ERGIC1: variants seen among roughly 807,000 people sequenced by gnomAD.
ERGIC1 encodes endoplasmic reticulum-Golgi intermediate compartment protein 1.
Under a neutral mutation model 38.3 loss-of-function variants are expected in ERGIC1, and 19 were observed. That is an observed-to-expected ratio of 0.50 (90% CI 0.35 to 0.73). The LOEUF (loss-of-function observed/expected upper bound fraction) is 0.73. Among genes scored for constraint, ERGIC1 ranks in the 30% least tolerant of loss-of-function variants. The probability of loss-of-function intolerance (pLI) is 0.01; values close to 1 mark genes in which losing one functional copy is unlikely to be tolerated. For synonymous variants in ERGIC1, 124 were observed against 157.6 expected (o/e 0.79, Z 1.60); for missense variants, 294 against 389.2 (o/e 0.76, Z 2.06).
chr5:172,909,784 C>G, intron 4 of ERGIC1, 23 bp downstream of exon 4: 1 of 1,604,596 alleles, frequency 6.2e-7, no homozygotes, highest in Non-Finnish European at 8.5e-7. Context: ...CGCAGCCCCT[C>G]CCTCCAGCAG....
At chr5:172,905,481 G>A (rs1172041495) in intron 3 of ERGIC1, 2 of 463,898 alleles carry the variant, frequency 4.3e-6, no homozygotes, top group East Asian at 7.0e-5. Context: ...TGCGGTGAGT[G>A]TTACAGCTCT....
intron 1 of ERGIC1, among the ~76,000 whole-genome samples, chr5:172,886,076 T>C (rs1762410468): frequency 6.6e-6 from 1 of 151,312 alleles, no homozygotes; most frequent in African/African-American, 2.4e-5. Context: ...CACCCCTACC[T>C]CCCAAATTTG....
chr5:172,859,949 C>T (rs1446692525), intron 1 of ERGIC1, among the ~76,000 whole-genome samples: 1 of 152,222 alleles, frequency 6.6e-6, no homozygotes, highest in Non-Finnish European at 1.5e-5. Context: ...TGTGCTTTGC[C>T]TACAGGCCTT....
At chr5:172,861,580 A>G (rs1227869852) in intron 1 of ERGIC1, among the ~76,000 whole-genome samples, 1 of 152,200 alleles carries the variant, frequency 6.6e-6, no homozygotes, top group Non-Finnish European at 1.5e-5. Context: ...CATCACACTG[A>G]TCTACTAACG....
intron 7 of ERGIC1, among the ~76,000 whole-genome samples, chr5:172,930,060 C>T (rs181124715): frequency 3.3e-5 from 5 of 151,834 alleles, no homozygotes; most frequent in East Asian, 2.0e-4. Flanking sequence ...TGGTGGCAGG[C>T]GCCTGTAGTC....
At chr5:172,876,830 C>G (rs1762148695) in intron 1 of ERGIC1, among the ~76,000 whole-genome samples, 1 of 152,092 alleles carries the variant, frequency 6.6e-6, no homozygotes, top group South Asian at 2.1e-4. Context: ...CATATGGACC[C>G]TAGTTTGCCT....
intron 8 of ERGIC1, chr5:172,933,580 C>G (rs1363405970): frequency 6.6e-6 from 1 of 152,200 alleles, no homozygotes; most frequent in Non-Finnish European, 1.5e-5. Flanking sequence ...TGCCCACCTG[C>G]GAGCTGCTCT....
intron 1 of ERGIC1, among the ~76,000 whole-genome samples, chr5:172,845,031 C>T (rs904619367): frequency 6.5e-5 from 6 of 93,008 alleles, no homozygotes; most frequent in Non-Finnish European, 1.9e-4. Context: ...TTGAGGAGGA[C>T]GCAGGGGTAT....
At chr5:172,872,890 G>A (rs1762051491) in intron 1 of ERGIC1, among the ~76,000 whole-genome samples, 1 of 152,316 alleles carries the variant, frequency 6.6e-6, no homozygotes, top group East Asian at 1.9e-4. Context: ...GAATCAATTG[G>A]GCAGGTGGAG....
intron 1 of ERGIC1, among the ~76,000 whole-genome samples, chr5:172,838,382 A>G (rs1761083218): frequency 1.3e-5 from 2 of 152,156 alleles, no homozygotes; most frequent in South Asian, 4.1e-4. Context: ...TGCACAGGTC[A>G]TGCGGCCCTG....
intron 8 of ERGIC1, chr5:172,934,364 C>T (rs994168631): frequency 6.6e-6 from 1 of 152,366 alleles, no homozygotes; most frequent in Non-Finnish European, 1.5e-5. Flanking sequence ...AAGCCAAGTC[C>T]CTGAGGGAGG....
At chr5:172,881,908 T>C (rs1375733680) in intron 1 of ERGIC1, among the ~76,000 whole-genome samples, 1 of 152,182 alleles carries the variant, frequency 6.6e-6, no homozygotes, top group African/African-American at 2.4e-5. Flanking sequence ...CTTCACCCTT[T>C]CCTCCACATT....
At chr5:172,896,305 T>A (rs1016968949) in intron 2 of ERGIC1, among the ~76,000 whole-genome samples, 2 of 152,232 alleles carry the variant, frequency 1.3e-5, no homozygotes, top group African/African-American at 4.8e-5. Flanking sequence ...ATTGCGCCAC[T>A]GCACTCCAGC....
intron 1 of ERGIC1, among the ~76,000 whole-genome samples, chr5:172,873,239 G>T (rs902576507): frequency 2.6e-5 from 4 of 152,236 alleles, no homozygotes; most frequent in Admixed American, 1.3e-4. Flanking sequence ...GTGGGGCCAG[G>T]AGGCCGTGTC....
intron 2 of ERGIC1, among the ~76,000 whole-genome samples, chr5:172,893,933 G>T (rs867482341): frequency 2.0e-5 from 1 of 51,000 alleles, no homozygotes; most frequent in Non-Finnish European, 3.6e-5. Context: ...GTGTGTGTGT[G>T]TGTATATATA....
chr5:172,895,963 C>G (rs953665775), intron 2 of ERGIC1, among the ~76,000 whole-genome samples: 6 of 152,144 alleles, frequency 3.9e-5, no homozygotes, highest in East Asian at 1.9e-4. Flanking sequence ...GTCCACAAAC[C>G]CCAGTGTCTT....
intron 1 of ERGIC1, among the ~76,000 whole-genome samples, chr5:172,875,367 T>C (rs1462685120): frequency 6.6e-6 from 1 of 152,146 alleles, no homozygotes; most frequent in Non-Finnish European, 1.5e-5. Context: ...CCAGATGTTA[T>C]GTCTGCACCC....
intron 1 of ERGIC1, among the ~76,000 whole-genome samples, chr5:172,887,964 C>T (rs939830777): frequency 6.6e-5 from 10 of 152,188 alleles, no homozygotes; most frequent in South Asian, 4.1e-4. Context: ...AATGCAGCAT[C>T]GTCACATAAC....
chr5:172,845,619 A>T (rs1206916317), intron 1 of ERGIC1, among the ~76,000 whole-genome samples: 1 of 152,194 alleles, frequency 6.6e-6, no homozygotes, highest in African/African-American at 2.4e-5. Context: ...TTCATGTTTT[A>T]ATTCTGGTAT....
Sources: allele counts gnomAD v4.1 joint callset (sites outside exome capture counted in the v4.1 genomes callset), GRCh38; gene constraint gnomAD v4.1.1; transcripts MANE v1.5; gene names NCBI Gene and HGNC (gene_info 2026-07-23, HGNC 2026-07-21).